The following MITF variants were observed in gnomAD, a reference collection of about 807,000 sequenced individuals.
MITF encodes microphthalmia-associated transcription factor.
In MITF, 17 loss-of-function variants were observed where a neutral mutation model predicts 60.5. The observed-to-expected ratio is 0.28, with a 90% CI of 0.19 to 0.42. MITF has a LOEUF of 0.42. MITF is among the 10% of genes least tolerant of loss of function. The probability of loss-of-function intolerance (pLI) is 1.00; values close to 1 mark genes in which losing one functional copy is unlikely to be tolerated. For missense variants in MITF, 622 were observed against 683.5 expected, an observed-to-expected ratio of 0.91 and a Z score of 1.00; for synonymous variants, 260 against 248.5, an observed-to-expected ratio of 1.05 and a Z score of -0.43.
At chr3:69,824,258 T>C (rs958052904) in intron 1 of MITF, among the ~76,000 whole-genome samples, 3 of 152,214 alleles carry the variant, frequency 2.0e-5, no homozygotes, top group African/African-American at 7.2e-5. Flanking sequence ...CCAGACTTTA[T>C]TGTATCTTGA....
intron 2 of MITF, among the ~76,000 whole-genome samples, chr3:69,934,147 C>A (rs1575995905): frequency 6.6e-6 from 1 of 152,230 alleles, no homozygotes; most frequent in African/African-American, 2.4e-5. Context: ...CAGGGGTTCT[C>A]AAAGTGTGAT....
intron 1 of MITF, among the ~76,000 whole-genome samples, chr3:69,761,280 C>A (rs1345013930): frequency 6.6e-6 from 1 of 152,134 alleles, no homozygotes; most frequent in African/African-American, 2.4e-5. Context: ...CACTTACTAT[C>A]TACCAGGTAC....
chr3:69,835,860 G>T (rs1351505596), intron 1 of MITF, among the ~76,000 whole-genome samples: 1 of 152,112 alleles, frequency 6.6e-6, no homozygotes, highest in African/African-American at 2.4e-5. Flanking sequence ...CCAGTACCAT[G>T]CTGTTTTGAT....
intron 2 of MITF, among the ~76,000 whole-genome samples, chr3:69,894,115 A>G (rs2064820222): frequency 6.6e-6 from 1 of 152,220 alleles, no homozygotes; most frequent in Non-Finnish European, 1.5e-5. Flanking sequence ...GAGTGACCAT[A>G]TATGATTTTA....
chr3:69,869,397 A>C (rs1407078325), intron 1 of MITF, among the ~76,000 whole-genome samples: 1 of 152,138 alleles, frequency 6.6e-6, no homozygotes, highest in Non-Finnish European at 1.5e-5. Context: ...TGGTGGCAGA[A>C]GGTTTAGAGA....
chr3:69,934,661 T>G (rs1235189621), intron 2 of MITF, among the ~76,000 whole-genome samples: 1 of 152,158 alleles, frequency 6.6e-6, no homozygotes, highest in East Asian at 1.9e-4. Context: ...GAACCCAGGT[T>G]TCAAGTTAAG....
chr3:69,872,385 A>T (rs999711717), intron 1 of MITF, among the ~76,000 whole-genome samples: 2 of 152,166 alleles, frequency 1.3e-5, no homozygotes, highest in Non-Finnish European at 2.9e-5. Context: ...CATTGTTCGT[A>T]TGTTACAGAG....
chr3:69,757,164 T>G (rs762975323), intron 1 of MITF, among the ~76,000 whole-genome samples: 21 of 152,110 alleles, frequency 1.4e-4, no homozygotes, highest in Admixed American at 3.9e-4. Flanking sequence ...TATCAGCTGT[T>G]GTGTGCATAG....
At chr3:69,883,743 C>A (rs1054267018) in intron 2 of MITF, among the ~76,000 whole-genome samples, 11 of 152,110 alleles carry the variant, frequency 7.2e-5, no homozygotes, top group Admixed American at 7.2e-4. Flanking sequence ...TTTGTCCCCT[C>A]AGTTAGGGGA....
At chr3:69,796,364 A>C (rs6549252) in intron 1 of MITF, among the ~76,000 whole-genome samples, 52,835 of 151,674 alleles carry the variant, frequency 0.35, 10,009 homozygotes, top group Non-Finnish European at 0.42. Flanking sequence ...TAGAAAAGGG[A>C]ATCTAATCTG....
intron 1 of MITF, among the ~76,000 whole-genome samples, chr3:69,808,799 T>C (rs1281476463): frequency 6.6e-6 from 1 of 152,038 alleles, no homozygotes; most frequent in Non-Finnish European, 1.5e-5. Flanking sequence ...TTACAGATTT[T>C]AGTGGAGGAG....
chr3:69,801,778 G>T (rs551735248), intron 1 of MITF, among the ~76,000 whole-genome samples: 1 of 152,226 alleles, frequency 6.6e-6, no homozygotes, highest in South Asian at 2.1e-4. Context: ...TTGGAAAATG[G>T]GCTATAGAGT....
intron 2 of MITF, among the ~76,000 whole-genome samples, chr3:69,926,411 C>G (rs771169995): frequency 1.1e-4 from 17 of 152,184 alleles, no homozygotes; most frequent in Admixed American, 4.6e-4. Context: ...TGACCTTTTG[C>G]TTAGGCCCAA....
At chr3:69,921,146 A>G (rs2065458629) in intron 2 of MITF, among the ~76,000 whole-genome samples, 1 of 152,238 alleles carries the variant, frequency 6.6e-6, no homozygotes. Context: ...TGCTGGGATT[A>G]CAGGCGTGAG....
In MITF at chr3:69,965,272, G is replaced by A. The variant is rs375847754; in HGVS notation, c.*24G>A. On this transcript the variant is annotated 3_prime_UTR_variant, in exon 10 of 10. Transcript: ENST00000352241. ...AGCGAATCCTCCCTGCACTGCATTC[G>A]CACAAACTGCTTCCTTTCTTGATTC... is the stretch of plus-strand genomic sequence containing the variant. The A allele has an allele frequency of 1.2e-4, 197 of 1,605,868 alleles. 1 individual carries two copies. The highest frequency in any genetic ancestry group is 1.1e-3 in the Admixed American group (65 of 59,906).
chr3:69,774,782 G>T (rs2062448156), intron 1 of MITF, among the ~76,000 whole-genome samples: 1 of 152,212 alleles, frequency 6.6e-6, no homozygotes, highest in Middle Eastern at 3.4e-3. Flanking sequence ...CAGCACCGTG[G>T]CTCTCGGAAG....
chr3:69,863,732 A>C (rs2064059263), intron 1 of MITF, among the ~76,000 whole-genome samples: 1 of 152,072 alleles, frequency 6.6e-6, no homozygotes, highest in Non-Finnish European at 1.5e-5. Context: ...ATTTTATTTC[A>C]TTAAAATTTA....
intron 1 of MITF, among the ~76,000 whole-genome samples, chr3:69,872,609 A>G (rs1016693392): frequency 6.6e-6 from 1 of 152,060 alleles, no homozygotes; most frequent in Admixed American, 6.5e-5. Flanking sequence ...TTTGGTATGG[A>G]TTTTTGGAGA....
chr3:69,865,487 G>GCA, intron 1 of MITF, among the ~76,000 whole-genome samples: 1 of 152,116 alleles, frequency 6.6e-6, no homozygotes, highest in East Asian at 1.9e-4. Context: ...ATTTTAAAGT[G>GCA]TTTTTTGAGA....
Sources: gnomAD v4.1 joint callset for allele counts (sites outside exome capture counted in the v4.1 genomes callset) on GRCh38, gnomAD v4.1.1 for gene constraint, MANE v1.5 for transcripts, NCBI Gene and HGNC (gene_info 2026-07-23, HGNC 2026-07-21) for gene names.